Variants in CCDC149 observed in about 807,000 individuals in gnomAD.
The protein encoded by CCDC149 is coiled-coil domain containing 149, also known as coiled-coil domain-containing protein 149.
In CCDC149, 45 loss-of-function variants were observed where a neutral mutation model predicts 59.9. The ratio of observed to expected loss-of-function variants is 0.75; its 90% CI spans 0.59 to 0.96. CCDC149 has a LOEUF of 0.96. CCDC149 is among the 40% of genes least tolerant of loss of function. The pLI, the probability that CCDC149 is intolerant of heterozygous loss-of-function variation, is 0.00. For missense variants in CCDC149, 584 were observed against 664.7 expected, an observed-to-expected ratio of 0.88 and a Z score of 1.33; for synonymous variants, 245 against 260.6, an observed-to-expected ratio of 0.94 and a Z score of 0.58.
chr4:24,882,120 G>A (rs917519577), intron 1 of CCDC149, among the ~76,000 whole-genome samples: 5 of 152,122 alleles, frequency 3.3e-5, no homozygotes, highest in African/African-American at 9.7e-5. Context: ...AGTAATAAAG[G>A]TTTTATTGAT....
At chr4:24,920,236 G>T (rs1391315441) in intron 1 of CCDC149, among the ~76,000 whole-genome samples, 2 of 152,372 alleles carry the variant, frequency 1.3e-5, no homozygotes, top group South Asian at 4.1e-4. Context: ...TTTCCTGGGT[G>T]AATGTAAATG....
At chr4:24,936,498 A>G (rs1325227002) in intron 1 of CCDC149, among the ~76,000 whole-genome samples, 1 of 152,328 alleles carries the variant, frequency 6.6e-6, no homozygotes, top group East Asian at 1.9e-4. Context: ...ATATAGTATC[A>G]TGATCAAATC....
intron 12 of CCDC149, 77 bp from the exon 13 acceptor site, chr4:24,808,896 G>T: frequency 1.5e-6 from 2 of 1,340,126 alleles, no homozygotes; most frequent in Non-Finnish European, 2.0e-6. Flanking sequence ...CCAACCTCCT[G>T]CCCAGCCTAC....
intron 2 of CCDC149, among the ~76,000 whole-genome samples, chr4:24,875,590 C>T (rs748524739): frequency 3.3e-5 from 5 of 151,798 alleles, no homozygotes; most frequent in Non-Finnish European, 5.9e-5. Context: ...TCATCTCAAC[C>T]TCTCAAAGTA....
rs773989486 is a variant in CCDC149, at chr4:24,876,537, A to G, written c.224T>C (p.Ile75Thr). 3 of 1,613,016 alleles carry G rather than the reference A, an allele frequency of 1.9e-6. No homozygotes were observed. Among genetic ancestry groups the G allele is most frequent in the East Asian group, 4.5e-5 (2 of 44,866 alleles). ...TGAACAGGGCAGCCTAACACTTACAATCAGCTCTCGGTACTTCTTCTTCAG... is the reference window on the plus strand; with the variant it reads ...TGAACAGGGCAGCCTAACACTTACAGTCAGCTCTCGGTACTTCTTCTTCAG... Residue 75 changes from isoleucine to threonine, a missense_variant and splice_region_variant, in exon 2 of 13, where the codon ATT (isoleucine) becomes ACT (threonine). Transcript: ENST00000635206.
At chr4:24,897,749 T>C (rs1720920990) in intron 1 of CCDC149, among the ~76,000 whole-genome samples, 1 of 152,116 alleles carries the variant, frequency 6.6e-6, no homozygotes, top group African/African-American at 2.4e-5. Flanking sequence ...GAGTTTGGAT[T>C]TGGGCATGAG....
intron 1 of CCDC149, among the ~76,000 whole-genome samples, chr4:24,955,721 G>A (rs1723446148): frequency 6.6e-6 from 1 of 152,176 alleles, no homozygotes; most frequent in African/African-American, 2.4e-5. Flanking sequence ...CAGAATCCAG[G>A]GGAGGAAGAA....
intron 3 of CCDC149, among the ~76,000 whole-genome samples, chr4:24,859,790 C>G (rs1267825175): frequency 6.6e-6 from 1 of 152,164 alleles, no homozygotes; most frequent in Non-Finnish European, 1.5e-5. Context: ...AGTAGCACTG[C>G]TATATACCAA....
intron 3 of CCDC149, among the ~76,000 whole-genome samples, chr4:24,858,248 C>T (rs1718148464): frequency 1.3e-5 from 2 of 152,146 alleles, no homozygotes; most frequent in Non-Finnish European, 2.9e-5. Context: ...AGAATAACAG[C>T]ACTATGTAAA....
chr4:24,915,327 G>C (rs545373182), upstream of CCDC149, among the ~76,000 whole-genome samples: 1 of 152,310 alleles, frequency 6.6e-6, no homozygotes, highest in Admixed American at 6.5e-5. Flanking sequence ...TGGTCCATCT[G>C]CCTTTCAAGC....
chr4:24,874,250 T>TG (rs1719250522), intron 2 of CCDC149, among the ~76,000 whole-genome samples: 2 of 82,602 alleles, frequency 2.4e-5, no homozygotes, highest in South Asian at 8.6e-4. Flanking sequence ...ATTTGTTTTT[T>TG]TTTTTTTTTG....
intron 1 of CCDC149, among the ~76,000 whole-genome samples, chr4:24,894,344 G>A (rs1220314675): frequency 6.6e-6 from 1 of 152,118 alleles, no homozygotes; most frequent in African/African-American, 2.4e-5. Flanking sequence ...GATAGTGGTA[G>A]TAAAATAATC....
At chr4:24,812,744 A>G (rs1714707394) in intron 12 of CCDC149, among the ~76,000 whole-genome samples, 1 of 152,226 alleles carries the variant, frequency 6.6e-6, no homozygotes, top group South Asian at 2.1e-4. Context: ...CAATCATGGT[A>G]GAAGACGAAA....
At chr4:24,831,750 T>C in intron 8 of CCDC149, 100 bp from the exon 9 acceptor site, 1 of 1,056,228 alleles carries the variant, frequency 9.5e-7, no homozygotes. Flanking sequence ...TGTCCCCAGC[T>C]TCAAAATGCT....
chr4:24,875,810 T>C (rs550083369), intron 2 of CCDC149, among the ~76,000 whole-genome samples: 2 of 152,304 alleles, frequency 1.3e-5, no homozygotes, highest in African/African-American at 2.4e-5. Context: ...GGCCTCTGTA[T>C]TACTGTAGAC....
chr4:24,817,124 C>T (rs973555729), intron 12 of CCDC149, among the ~76,000 whole-genome samples: 24 of 152,206 alleles, frequency 1.6e-4, no homozygotes, highest in Admixed American at 3.9e-4. Flanking sequence ...CGACTTACAA[C>T]GCCCTTGTGA....
At chr4:24,897,877 CAA>C (rs1720930132) in intron 1 of CCDC149, among the ~76,000 whole-genome samples, 1 of 152,170 alleles carries the variant, frequency 6.6e-6, no homozygotes, top group Non-Finnish European at 1.5e-5. Context: ...ATGCATGCTG[CAA>C]AGTCTGGCAA....
chr4:24,940,395 G>A (rs1250834485), intron 1 of CCDC149, among the ~76,000 whole-genome samples: 1 of 152,158 alleles, frequency 6.6e-6, no homozygotes, highest in Non-Finnish European at 1.5e-5. Flanking sequence ...CCTGAAGGAA[G>A]CACTAAACAT....
At chr4:24,930,829 C>A (rs1252575189) in intron 1 of CCDC149, among the ~76,000 whole-genome samples, 1 of 152,098 alleles carries the variant, frequency 6.6e-6, no homozygotes, top group Admixed American at 6.6e-5. Context: ...TTTTAGAGAT[C>A]ATAAAATTTA....
Sources: gnomAD v4.1 joint callset for allele counts (sites outside exome capture counted in the v4.1 genomes callset) on GRCh38, gnomAD v4.1.1 for gene constraint, MANE v1.5 for transcripts, NCBI Gene and HGNC (gene_info 2026-07-23, HGNC 2026-07-21) for gene names.